The following KCNQ1OT1 variants were observed in gnomAD, a reference collection of about 807,000 sequenced individuals.
The protein encoded by KCNQ1OT1 is KCNQ1 opposite strand/antisense transcript 1, also known as KCNQ1 antisense RNA 2 (non-protein coding).
At chr11:2,619,465 A>G (rs917122905) in exon 1 of KCNQ1OT1, 1 of 398,618 alleles carries the variant, frequency 2.5e-6, no homozygotes, top group Admixed American at 4.4e-5. Context: ...TTAGTATCAC[A>G]TTGATTGCTA....
chr11:2,651,898 G>A lies in KCNQ1OT1; in HGVS notation n.48097C>T, dbSNP rs534485759. Reference sequence around the variant, plus strand: ...CAGGCTGAGGGGGTCATAGCCGAGGGTCCCTCTGGGGCCGCTTGCTCTCCT... The same window carrying A: ...CAGGCTGAGGGGGTCATAGCCGAGGATCCCTCTGGGGCCGCTTGCTCTCCT... On this transcript the variant is annotated non_coding_transcript_exon_variant, in exon 1 of 1. Coordinates refer to ENST00000597346, the Ensembl canonical transcript of KCNQ1OT1. The surrounding 1 kb of genome is among the most constrained non-coding windows in gnomAD (Gnocchi z 6.1). 2 of 398,716 alleles carry A rather than the reference G, an allele frequency of 5.0e-6. No homozygotes were observed. Among genetic ancestry groups the A allele is most frequent in the African/African-American group, 4.1e-5 (2 of 48,740 alleles). The allele number at this position is 398,716 out of a possible 1,614,324, so 24.7% of individuals were successfully genotyped here. A position where few individuals can be genotyped will look rare whatever the true frequency, so the allele number is the denominator to read the frequency against.
exon 1 of KCNQ1OT1, chr11:2,625,270 A>T: frequency 2.5e-6 from 1 of 398,608 alleles, no homozygotes; most frequent in South Asian, 1.3e-4. Flanking sequence ...GATTTTTTTG[A>T]GACAAGATCT....
Position 2,669,679 on chromosome 11 carries a change from C to T in KCNQ1OT1, n.30316G>A, listed in dbSNP as rs958147589. 2.5e-6 allele frequency: 1 copy of T among 398,454 alleles called. No individual in the cohort carries two copies. Among genetic ancestry groups the T allele is most frequent in the African/African-American group, 2.1e-5 (1 of 48,610 alleles). 24.7% of individuals were successfully genotyped at this position (398,454 alleles called of 1,614,324 possible). A position where few individuals can be genotyped will look rare whatever the true frequency, so the allele number is the denominator to read the frequency against. ...ATATCTCACAGTATTAGTGTAAGGC[C>T]TTGAGGAGATGGTGTTAGGCATCCA... On this transcript the variant is annotated non_coding_transcript_exon_variant, in exon 1 of 1. Transcript: ENST00000597346. This position sits in a 1 kb window ranked among gnomAD's most constrained non-coding sequence, Gnocchi z 5.6.
exon 1 of KCNQ1OT1, chr11:2,614,531 C>G: frequency 1.3e-5 from 5 of 398,342 alleles, no homozygotes. Context: ...TTTTTGGTCT[C>G]TGATACATTT....
chr11:2,689,055 C>T, exon 1 of KCNQ1OT1: 1 of 398,846 alleles, frequency 2.5e-6, no homozygotes, highest in Non-Finnish European at 4.4e-6. Flanking sequence ...GGGGCAGTTA[C>T]CTCCTCCTCC....
In KCNQ1OT1 at chr11:2,626,954, C is replaced by A. The variant is rs1405401817; in HGVS notation, n.73041G>T. 7.5e-6 allele frequency: 3 copies of A among 398,458 alleles called. No homozygotes were observed. Among genetic ancestry groups the A allele is most frequent in the Non-Finnish European group, 1.3e-5 (3 of 226,044 alleles). 24.7% of individuals were successfully genotyped at this position (398,458 alleles called of 1,614,324 possible). A position where few individuals can be genotyped will look rare whatever the true frequency, so the allele number is the denominator to read the frequency against. ...TTTAGGATGGGGTTTCTTCTTTCTG[C>A]AAATAACATCATTAGGATTTTTATT... On this transcript the variant is annotated non_coding_transcript_exon_variant, in exon 1 of 1. Transcript: ENST00000597346. The surrounding 1 kb of genome is among the most constrained non-coding windows in gnomAD (Gnocchi z 4.0).
At chr11:2,629,050 T>C (rs1849309114) in exon 1 of KCNQ1OT1, 1 of 398,356 alleles carries the variant, frequency 2.5e-6, no homozygotes, top group Non-Finnish European at 4.4e-6. Flanking sequence ...TTCTTATTGC[T>C]CAAGTATGCT....
chr11:2,696,707 T>C (rs75414884), exon 1 of KCNQ1OT1: 26,663 of 398,626 alleles, frequency 0.067, 1,039 homozygotes, highest in Middle Eastern at 0.11. Flanking sequence ...TGTCTCTGCA[T>C]ATGGAAAGAT....
exon 1 of KCNQ1OT1, chr11:2,660,355 A>G: frequency 2.5e-6 from 1 of 398,566 alleles, no homozygotes; most frequent in Non-Finnish European, 4.4e-6. Context: ...AATTTAAGAG[A>G]GAATTGTATT....
Position 2,690,527 on chromosome 11 carries a change from C to A in KCNQ1OT1, n.9468G>T, listed in dbSNP as rs923994898. The A allele has an allele frequency of 7.5e-6, 3 of 398,532 alleles. No homozygotes were observed. Among genetic ancestry groups the A allele is most frequent in the Non-Finnish European group, 1.3e-5 (3 of 226,092 alleles). The allele number at this position is 398,532 out of a possible 1,614,324, so 24.7% of individuals were successfully genotyped here. A position where few individuals can be genotyped will look rare whatever the true frequency, so the allele number is the denominator to read the frequency against. Reference sequence around the variant, plus strand: ...CTCAGCACCTATCACAAAGAAAGTGCCACTGGGCCTAGGGAAGGACAAGAA... The same window carrying A: ...CTCAGCACCTATCACAAAGAAAGTGACACTGGGCCTAGGGAAGGACAAGAA... On this transcript the variant is annotated non_coding_transcript_exon_variant, in exon 1 of 1. Coordinates refer to ENST00000597346, the Ensembl canonical transcript of KCNQ1OT1. This position sits in a 1 kb window ranked among gnomAD's most constrained non-coding sequence, Gnocchi z 5.1.
rs1428687697 is a variant in KCNQ1OT1 at position 2,617,445 on chromosome 11, A to G, written n.82550T>C. 2 of 398,350 alleles carry G rather than the reference A, an allele frequency of 5.0e-6. No homozygotes were observed. The highest frequency in any genetic ancestry group is 2.1e-5 in the African/African-American group (1 of 48,628). The allele number at this position is 398,350 out of a possible 1,614,324, so 24.7% of individuals were successfully genotyped here. A position where few individuals can be genotyped will look rare whatever the true frequency, so the allele number is the denominator to read the frequency against. The stretch of plus-strand genomic sequence containing the variant: ...GAATAATATTCCATTGTAGACATAC[A>G]CACCACAGTTTAGTCATCCATCAAT... On this transcript the variant is annotated non_coding_transcript_exon_variant, in exon 1 of 1. Coordinates refer to ENST00000597346, the Ensembl canonical transcript of KCNQ1OT1. This position sits in a 1 kb window ranked among gnomAD's most constrained non-coding sequence, Gnocchi z 4.6.
rs561696974 is a variant in KCNQ1OT1, at chr11:2,621,098, C to A, written n.78897G>T. 29 of 397,276 alleles carry A rather than the reference C, an allele frequency of 7.3e-5. No individual in the cohort carries two copies. In the South Asian group the frequency reaches 3.6e-3, roughly 49 times the overall value. The allele number at this position is 397,276 out of a possible 1,614,324, so 24.6% of individuals were successfully genotyped here. A position where few individuals can be genotyped will look rare whatever the true frequency, so the allele number is the denominator to read the frequency against. The stretch of plus-strand genomic sequence containing the variant: ...GTTCAAGCAATTCTCCTGTCTCAGA[C>A]TCCTGAGTAGCTGGGATTACAGGTG... On this transcript the variant is annotated non_coding_transcript_exon_variant, in exon 1 of 1. Coordinates refer to ENST00000597346, the Ensembl canonical transcript of KCNQ1OT1. The surrounding 1 kb of genome is among the most constrained non-coding windows in gnomAD (Gnocchi z 5.7).
rs148367353 is a variant in KCNQ1OT1, at chr11:2,623,869, G to A, written n.76126C>T. 2.3e-3 allele frequency: 929 copies of A among 398,474 alleles called. 6 individuals are homozygous for A. Among genetic ancestry groups the A allele is most frequent in the African/African-American group, 0.016 (774 of 48,706 alleles). 24.7% of individuals were successfully genotyped at this position (398,474 alleles called of 1,614,324 possible). On this transcript the variant is annotated non_coding_transcript_exon_variant, in exon 1 of 1. Transcript: ENST00000597346. The surrounding 1 kb of genome is among the most constrained non-coding windows in gnomAD (Gnocchi z 5.2). The stretch of plus-strand genomic sequence containing the variant: ...GATTTCGATATACTCTGGATTCTTC[G>A]GGGGATATGTATACACATTCAGAAG...
At chr11:2,680,139 G>A (rs537790403) in exon 1 of KCNQ1OT1, 31 of 391,060 alleles carry the variant, frequency 7.9e-5, no homozygotes, top group African/African-American at 5.2e-4. Flanking sequence ...TGATCTGCCC[G>A]CCTCAGCCTC....
chr11:2,667,086 C>G, exon 1 of KCNQ1OT1: 1 of 398,600 alleles, frequency 2.5e-6, no homozygotes, highest in Admixed American at 4.4e-5. Context: ...ATTAAATGTT[C>G]TTCTAATTAA....
rs1428414976 is a variant in KCNQ1OT1, at chr11:2,645,001, G to A, written n.54994C>T. Reference sequence around the variant, plus strand: ...GTAGTGTATGCTGGTACCAGTGTTAGCAAGTCCAGGGAAACCAATTTTGGG... The same window carrying A: ...GTAGTGTATGCTGGTACCAGTGTTAACAAGTCCAGGGAAACCAATTTTGGG... On this transcript the variant is annotated non_coding_transcript_exon_variant, in exon 1 of 1. Coordinates refer to ENST00000597346, the Ensembl canonical transcript of KCNQ1OT1. This position sits in a 1 kb window ranked among gnomAD's most constrained non-coding sequence, Gnocchi z 5.8. 2.5e-6 allele frequency: 1 copy of A among 398,718 alleles called. No individual in the cohort carries two copies. The highest frequency in any genetic ancestry group is 4.4e-6 in the Non-Finnish European group (1 of 226,136). 24.7% of individuals were successfully genotyped at this position (398,718 alleles called of 1,614,324 possible). A position where few individuals can be genotyped will look rare whatever the true frequency, so the allele number is the denominator to read the frequency against.
rs1849978951 is a variant in KCNQ1OT1, at chr11:2,662,453, T to C, written n.37542A>G. On this transcript the variant is annotated non_coding_transcript_exon_variant, in exon 1 of 1. Coordinates refer to ENST00000597346, the Ensembl canonical transcript of KCNQ1OT1. The stretch of plus-strand genomic sequence containing the variant: ...CCCCATGGAACCCTGGCCAAAGCCA[T>C]GGGGCAGATGCCGGGTGCAGTCTGC... 5.1e-5 allele frequency: 13 copies of C among 257,012 alleles called. No individual in the cohort carries two copies. The East Asian group carries it at 5.9e-4, about 12-fold the overall frequency. The allele number at this position is 257,012 out of a possible 1,614,324, so 15.9% of individuals were successfully genotyped here.
In KCNQ1OT1 at chr11:2,687,224, A is replaced by C. The variant is rs2283187; in HGVS notation, n.12771T>G. The C allele has an allele frequency of 0.014, 5,770 of 398,476 alleles. 205 individuals carry two copies. Among genetic ancestry groups the C allele is most frequent in the East Asian group, 0.096 (2,703 of 28,054 alleles). 24.7% of individuals were successfully genotyped at this position (398,476 alleles called of 1,614,324 possible). A position where few individuals can be genotyped will look rare whatever the true frequency, so the allele number is the denominator to read the frequency against. On this transcript the variant is annotated non_coding_transcript_exon_variant, in exon 1 of 1. Transcript: ENST00000597346. The surrounding 1 kb of genome is among the most constrained non-coding windows in gnomAD (Gnocchi z 5.0). ...GCATCACACTGTTGGGAAATGTGCA[A>C]TTTTCACTCAGCCAGCATCACTACC... is the stretch of plus-strand genomic sequence containing the variant.
chr11:2,694,457 C>G, exon 1 of KCNQ1OT1: 1 of 398,626 alleles, frequency 2.5e-6, no homozygotes. Flanking sequence ...AATGACAGCC[C>G]CTCACAACAA....
Sources: gnomAD v4.1 joint callset for allele counts on GRCh38, gnomAD v4.1.1 for gene constraint, Gnocchi (gnomAD v3.1) non-coding constraint, MANE v1.5 for transcripts, NCBI Gene and HGNC (gene_info 2026-07-23, HGNC 2026-07-21) for gene names.